LRP8: variants seen among roughly 807,000 people sequenced by gnomAD.
The protein encoded by LRP8 is LDL receptor related protein 8.
A neutral mutation model predicts 111.6 loss-of-function variants in LRP8; 46 were observed. The ratio of observed to expected loss-of-function variants is 0.41; its 90% CI spans 0.33 to 0.53. The LOEUF (loss-of-function observed/expected upper bound fraction) is 0.53, where lower values mean the gene tolerates loss of function less well. LRP8 is among the 20% of genes least tolerant of loss of function. The probability of loss-of-function intolerance (pLI) is 0.20; values close to 1 mark genes in which losing one functional copy is unlikely to be tolerated. For missense variants in LRP8, 959 were observed against 1,297.4 expected (o/e 0.74, Z 4.01); for synonymous variants, 464 against 511.2 (o/e 0.91, Z 1.24).
intron 2 of LRP8, among the ~76,000 whole-genome samples, chr1:53,311,439 C>T (rs530140903): frequency 6.6e-6 from 1 of 152,288 alleles, no homozygotes; most frequent in Admixed American, 6.5e-5. Context: ...CCTCCCCACA[C>T]AAGCCCTGGC....
chr1:53,262,651 T>A lies in LRP8; in HGVS notation c.1656-87A>T. On this transcript the variant is annotated intron_variant, in intron 10 of 18. Coordinates refer to ENST00000306052, the MANE Select transcript of LRP8 (RefSeq NM_004631.5). The surrounding 1 kb of genome is among the most constrained non-coding windows in gnomAD (Gnocchi z 4.8). ...CACAAGAGCTCAATAACCCATTGAC[T>A]AGTTGTGGTTTATGTTTAGTAGGGA... 2 of 1,004,052 alleles carry A rather than the reference T, an allele frequency of 2.0e-6. No homozygotes were observed. Among genetic ancestry groups the A allele is most frequent in the South Asian group, 1.3e-5 (1 of 77,170 alleles). The allele number at this position is 1,004,052 out of a possible 1,614,324, so 62.2% of individuals were successfully genotyped here. A position where few individuals can be genotyped will look rare whatever the true frequency, so the allele number is the denominator to read the frequency against.
chr1:53,276,652 C>T, intron 5 of LRP8, 40 bp downstream of exon 5: 1 of 1,451,756 alleles, frequency 6.9e-7, no homozygotes, highest in Non-Finnish European at 9.1e-7. Context: ...AGCGGATCCG[C>T]AATCCCTGGG....
Position 53,327,998 on chromosome 1 carries a change from G to T in LRP8, c.-86C>A. On this transcript the variant is annotated 5_prime_UTR_variant, in exon 1 of 19. Transcript: ENST00000306052. Reference sequence around the variant, plus strand: ...CAGCCCTCCGAGTCCTTGCCGCGGCGCCGGGGTTGCCGCTGCCCCCGCCGC... The same window carrying T: ...CAGCCCTCCGAGTCCTTGCCGCGGCTCCGGGGTTGCCGCTGCCCCCGCCGC... 2 of 849,794 alleles carry T rather than the reference G, an allele frequency of 2.4e-6. No homozygotes were observed. The highest frequency in any genetic ancestry group is 2.8e-6 in the Non-Finnish European group (2 of 708,538). 52.6% of individuals were successfully genotyped at this position (849,794 alleles called of 1,614,324 possible). A position where few individuals can be genotyped will look rare whatever the true frequency, so the allele number is the denominator to read the frequency against.
chr1:53,311,478 G>A lies in LRP8; in HGVS notation c.244+15395C>T, dbSNP rs144351689. On this transcript the variant is annotated intron_variant, in intron 2 of 18. Coordinates refer to ENST00000306052, the MANE Select transcript of LRP8 (RefSeq NM_004631.5). ...AAAGCGCCCTCCCCCAACTCTGCCCGCCTGTGGTGACAGCCTCTTGGCACT... is the reference window on the plus strand; with the variant it reads ...AAAGCGCCCTCCCCCAACTCTGCCCACCTGTGGTGACAGCCTCTTGGCACT... Among the ~76,000 whole-genome samples the A allele has an allele frequency of 1.1e-4, 16 of 152,106 alleles. No homozygotes were observed. In the East Asian group the frequency reaches 1.4e-3, roughly 13 times the overall value.
chr1:53,265,304 C>T (rs1351140601), intron 9 of LRP8, among the ~76,000 whole-genome samples: 3 of 152,296 alleles, frequency 2.0e-5, no homozygotes, highest in South Asian at 2.1e-4. Flanking sequence ...AGCTCTCTTA[C>T]GATCCAGACT....
chr1:53,261,988 C>T, intron 12 of LRP8, 80 bp downstream of exon 12: 1 of 1,516,412 alleles, frequency 6.6e-7, no homozygotes, highest in Non-Finnish European at 9.0e-7. Context: ...GAACAAGTCT[C>T]AGGGACTCAT....
In LRP8 at chr1:53,326,996, C is replaced by A. The variant is rs752810033; in HGVS notation, c.125-4G>T. On this transcript the variant is annotated splice_polypyrimidine_tract_variant and splice_region_variant and intron_variant, in intron 1 of 18. Coordinates refer to ENST00000306052, the MANE Select transcript of LRP8 (RefSeq NM_004631.5). ...TTTTCGCAATCCTTGGCCGGCCCTG[C>A]GAGGGGGAGGGAGCGTGAGCTGGAT... 24 of 1,612,308 alleles carry A rather than the reference C, an allele frequency of 1.5e-5. No individual in the cohort carries two copies. Among genetic ancestry groups the A allele is most frequent in the East Asian group, 2.2e-5 (1 of 44,876 alleles).
At chr1:53,261,073 G>A (rs949354154) in intron 12 of LRP8, among the ~76,000 whole-genome samples, 1 of 152,116 alleles carries the variant, frequency 6.6e-6, no homozygotes, top group East Asian at 1.9e-4. Context: ...ACACGTACAG[G>A]TACAACTGTG....
In LRP8 at chr1:53,277,030, G is replaced by T; in HGVS notation, c.545C>A (p.Ala182Asp). The change falls in exon 5 of 19, where the codon GCC (alanine) becomes GAC (aspartate). Residue 182 changes from alanine to aspartate, a missense_variant. Physicochemically the swap from Ala to Asp is moderately radical, Grantham distance 126. This residue lies in a region of LRP8 where 819 missense variants were observed against 1,097.6 expected (regional missense o/e 0.75). Coordinates refer to ENST00000306052, the MANE Select transcript of LRP8 (RefSeq NM_004631.5). ...GTCGTCGCCGTCGCACACGAACACG[G>T]CGGCCAGGCACGAGCGGTTGCCGCA... ...FQCGNRSCLA[A>D]VFVCDGDDDC... 1 of 1,522,512 alleles carries T rather than the reference G, an allele frequency of 6.6e-7. No homozygotes were observed. The highest frequency in any genetic ancestry group is 8.8e-7 in the Non-Finnish European group (1 of 1,139,854). 94.3% of individuals were successfully genotyped at this position (1,522,512 alleles called of 1,614,324 possible).
At chr1:53,309,655 G>A (rs372200108) in intron 2 of LRP8, among the ~76,000 whole-genome samples, 12 of 152,272 alleles carry the variant, frequency 7.9e-5, no homozygotes, top group East Asian at 7.8e-4. Flanking sequence ...GAGAGGCCAG[G>A]TCCCTGTTTT....
chr1:53,286,562 T>C (rs1647587506), intron 3 of LRP8, among the ~76,000 whole-genome samples: 1 of 152,170 alleles, frequency 6.6e-6, no homozygotes, highest in African/African-American at 2.4e-5. Flanking sequence ...GAGCTATAAT[T>C]AGAGCTGAAA....
At chr1:53,274,783 C>CT in intron 6 of LRP8, 1 of 456,344 alleles carries the variant, frequency 2.2e-6, no homozygotes, top group South Asian at 1.5e-5. Flanking sequence ...GCTTGCCACT[C>CT]TTACACTGAA....
intron 2 of LRP8, among the ~76,000 whole-genome samples, chr1:53,295,122 T>A (rs1311418621): frequency 6.6e-6 from 1 of 152,024 alleles, no homozygotes; most frequent in Non-Finnish European, 1.5e-5. Context: ...TGACTCCCAA[T>A]CCCACTTTGT....
At chr1:53,278,515 A>G (rs1348659394) in intron 4 of LRP8, among the ~76,000 whole-genome samples, 1 of 152,268 alleles carries the variant, frequency 6.6e-6, no homozygotes, top group Non-Finnish European at 1.5e-5. Flanking sequence ...TTCACCAGGT[A>G]GGTAGCTCGT....
In LRP8 at chr1:53,266,583, C is replaced by T; in HGVS notation, c.1317G>A (p.Lys439=). 1 of 1,614,204 alleles carries T rather than the reference C, an allele frequency of 6.2e-7. No individual in the cohort carries two copies. Among genetic ancestry groups the T allele is most frequent in the Non-Finnish European group, 8.5e-7 (1 of 1,180,038 alleles). ...RHEVRRIDLV[K]RNYSRLIPML... is the part of the protein sequence containing the mutation. ...TGGGGATGAGGCGTGAATAGTTCCG[C>T]TTCACCAGGTCGATCCTCCGCACCT... The change falls in exon 9 of 19, where the codon AAG becomes AAA. Residue 439 remains lysine, a synonymous_variant. Transcript: ENST00000306052. This position sits in a 1 kb window ranked among gnomAD's most constrained non-coding sequence, Gnocchi z 5.0.
intron 15 of LRP8, 88 bp downstream of exon 15, chr1:53,257,152 G>A (rs1646124217): frequency 1.7e-6 from 2 of 1,180,538 alleles, no homozygotes; most frequent in Non-Finnish European, 2.5e-6. Flanking sequence ...ATTCAGCTCT[G>A]GTAGGTTCTG....
chr1:53,321,379 C>T (rs1291379369), intron 2 of LRP8, among the ~76,000 whole-genome samples: 1 of 152,122 alleles, frequency 6.6e-6, no homozygotes, highest in East Asian at 1.9e-4. Context: ...AGGCCTGGCT[C>T]CACAACCCTA....
At position 53,242,840 on chromosome 1, in the gene LRP8, T is replaced by A. The variant is rs1212812317; in HGVS notation, c.*4178A>T. 1.6e-5 allele frequency: 2 copies of A among 124,974 alleles called. No homozygotes were observed. The highest frequency in any genetic ancestry group is 3.7e-5 in the Non-Finnish European group (2 of 54,340). 7.7% of individuals were successfully genotyped at this position (124,974 alleles called of 1,614,324 possible). ...AGTATCAAAACCTTGGCTTTAAATA[T>A]ATATATATATATATATATACACACA... On this transcript the variant is annotated 3_prime_UTR_variant, in exon 19 of 19. Coordinates refer to ENST00000306052, the MANE Select transcript of LRP8 (RefSeq NM_004631.5).
At chr1:53,257,886 T>C in intron 14 of LRP8, 1 of 234,848 alleles carries the variant, frequency 4.3e-6, no homozygotes, top group Non-Finnish European at 8.4e-6. Context: ...GATTAGGACA[T>C]GAATCTGTGT....
Sources: allele counts gnomAD v4.1 joint callset (sites outside exome capture counted in the v4.1 genomes callset), GRCh38; gene constraint gnomAD v4.1.1; regional missense constraint gnomAD v4.1.1; non-coding constraint Gnocchi (gnomAD v3.1); transcripts MANE v1.5; gene names NCBI Gene and HGNC (gene_info 2026-07-23, HGNC 2026-07-21).